METAP1D: variants seen among roughly 807,000 people sequenced by gnomAD.
METAP1D encodes methionine aminopeptidase 1D, mitochondrial.
In METAP1D, 31 loss-of-function variants were observed where a neutral mutation model predicts 40.5. The ratio of observed to expected loss-of-function variants is 0.77; its 90% CI spans 0.58 to 1.03. The LOEUF (loss-of-function observed/expected upper bound fraction) is 1.03. Among genes scored for constraint, METAP1D ranks in the 50% least tolerant of loss-of-function variants. The pLI, the probability that METAP1D is intolerant of heterozygous loss-of-function variation, is 0.00. For synonymous variants in METAP1D, 151 were observed against 146.4 expected, an observed-to-expected ratio of 1.03 and a Z score of -0.22; for missense variants, 411 against 420.7, an observed-to-expected ratio of 0.98 and a Z score of 0.20.
At chr2:172,022,135 G>A (rs146293451) in intron 1 of METAP1D, among the ~76,000 whole-genome samples, 7 of 152,090 alleles carry the variant, frequency 4.6e-5, no homozygotes, top group African/African-American at 1.7e-4. Context: ...CTGGATCCAG[G>A]CCCAGATGAA....
intron 1 of METAP1D, among the ~76,000 whole-genome samples, chr2:172,045,815 GTGTGTATATATA>G (rs1291061422): frequency 0.027 from 642 of 24,146 alleles, 3 homozygotes; most frequent in South Asian, 0.037. Flanking sequence ...GTGTGTGTGT[GTGTGTATATATA>G]TATATATATA....
At chr2:172,035,326 G>C (rs1358388842) in intron 1 of METAP1D, among the ~76,000 whole-genome samples, 2 of 151,968 alleles carry the variant, frequency 1.3e-5, no homozygotes, top group African/African-American at 4.8e-5. Flanking sequence ...CACCACGCCC[G>C]GCTAACTTTT....
At chr2:172,079,731 T>G (rs563073060) in intron 8 of METAP1D, among the ~76,000 whole-genome samples, 74 of 152,190 alleles carry the variant, frequency 4.9e-4, no homozygotes, top group Non-Finnish European at 1.1e-3. Context: ...ATAAGAAAAT[T>G]GTTATTTGCT....
At chr2:172,027,624 GTATT>G (rs1021976613) in intron 1 of METAP1D, among the ~76,000 whole-genome samples, 1 of 152,234 alleles carries the variant, frequency 6.6e-6, no homozygotes, top group Non-Finnish European at 1.5e-5. Flanking sequence ...GTGTGTATGT[GTATT>G]TATGATTTTG....
At position 172,026,596 on chromosome 2, in the gene METAP1D, G is replaced by A. The variant is rs150637705; in HGVS notation, c.40+26587G>A. Among the ~76,000 whole-genome samples, 661 of 152,264 alleles carry A rather than the reference G, an allele frequency of 4.3e-3. 3 individuals carry two copies. Among genetic ancestry groups the A allele is most frequent in the Non-Finnish European group, 6.9e-3 (472 of 68,018 alleles). ...ACAGATTTCACAGTGAGCCCATAGC[G>A]CCTACCTAGACATTCTGTTTGCTGT... On this transcript the variant is annotated intron_variant, in intron 1 of 9. Coordinates refer to ENST00000315796, the MANE Select transcript of METAP1D (RefSeq NM_199227.3).
chr2:172,022,525 A>T (rs1012798449), intron 1 of METAP1D, among the ~76,000 whole-genome samples: 1 of 152,188 alleles, frequency 6.6e-6, no homozygotes, highest in African/African-American at 2.4e-5. Flanking sequence ...CTGTTTATTG[A>T]TAGTTTTCAG....
chr2:172,045,807 GTGTGTGTGTGTGTATA>G (rs1225750503), intron 1 of METAP1D, among the ~76,000 whole-genome samples: 76 of 52,822 alleles, frequency 1.4e-3, no homozygotes, highest in Non-Finnish European at 1.8e-3. Flanking sequence ...ATGTGTGTGT[GTGTGTGTGTGTGTATA>G]TATATATATA....
chr2:172,076,328 A>G (rs1219573446), intron 6 of METAP1D, among the ~76,000 whole-genome samples: 2 of 152,152 alleles, frequency 1.3e-5, no homozygotes, highest in African/African-American at 2.4e-5. Context: ...GTAAAAAAAA[A>G]AAAATCTAGA....
chr2:172,077,553 C>T (rs982571845), intron 6 of METAP1D, among the ~76,000 whole-genome samples: 1 of 152,184 alleles, frequency 6.6e-6, no homozygotes, highest in Non-Finnish European at 1.5e-5. Flanking sequence ...AGGTAAATGA[C>T]TCAAACGACT....
intron 1 of METAP1D, among the ~76,000 whole-genome samples, chr2:172,024,321 T>G (rs1443839943): frequency 6.6e-6 from 1 of 152,102 alleles, no homozygotes; most frequent in Non-Finnish European, 1.5e-5. Flanking sequence ...CTTGGATTAA[T>G]ACCAAAAAGG....
chr2:172,019,886 T>G (rs1344001818), intron 1 of METAP1D, among the ~76,000 whole-genome samples: 3 of 152,212 alleles, frequency 2.0e-5, no homozygotes, highest in Non-Finnish European at 4.4e-5. Flanking sequence ...TCTTCTAGAC[T>G]ATAAGTTACT....
intron 1 of METAP1D, among the ~76,000 whole-genome samples, chr2:172,006,375 G>A (rs980278754): frequency 3.3e-5 from 5 of 152,006 alleles, no homozygotes; most frequent in African/African-American, 7.2e-5. Flanking sequence ...AGTAGAGATG[G>A]GGTTTCACCG....
At position 172,071,075 on chromosome 2, in the gene METAP1D, G is replaced by A; in HGVS notation, c.704+5G>A. On this transcript the variant is annotated splice_donor_5th_base_variant and intron_variant, in intron 6 of 9. Transcript: ENST00000315796. ...TGTAATTGGAAACACAATCAGGTAA[G>A]CCTTACATTGACAAGTAAAGGGAGG... 6.3e-7 allele frequency: 1 copy of A among 1,599,092 alleles called. No individual in the cohort carries two copies.
chr2:172,064,915 A>G (rs923507417), intron 3 of METAP1D, among the ~76,000 whole-genome samples: 1 of 152,190 alleles, frequency 6.6e-6, no homozygotes. Flanking sequence ...ATGTTTATGG[A>G]GTTTATGGAA....
Position 172,063,711 on chromosome 2 carries a change from C to T in METAP1D, c.199C>T (p.His67Tyr), listed in dbSNP as rs1690185289. 2 of 1,611,006 alleles carry T rather than the reference C, an allele frequency of 1.2e-6. No homozygotes were observed. The highest frequency in any genetic ancestry group is 1.1e-5 in the South Asian group (1 of 90,910). Residue 67 changes from histidine (H) to tyrosine (Y), a missense_variant and splice_region_variant, in exon 3 of 10, where the codon CAC becomes TAC. Transcript: ENST00000315796. ...AVSSAHPVPK[H>Y]IKKPDYVTTG... ...TCGTTTTCAATCCTTTTTCCTCAAG[C>T]ACATAAAGAAGCCAGACTATGTGAC...
At chr2:172,047,227 A>G (rs1274457780) in intron 1 of METAP1D, among the ~76,000 whole-genome samples, 2 of 151,940 alleles carry the variant, frequency 1.3e-5, no homozygotes, top group Non-Finnish European at 2.9e-5. Flanking sequence ...ACTGTTTAAT[A>G]AACAGGAATT....
intron 1 of METAP1D, among the ~76,000 whole-genome samples, chr2:172,044,673 G>A (rs898690407): frequency 7.4e-6 from 1 of 135,050 alleles, no homozygotes; most frequent in South Asian, 2.4e-4. Flanking sequence ...TTGGGAAGCC[G>A]AGGAGGGTGG....
At position 172,080,322 on chromosome 2, in the gene METAP1D, T is replaced by A; in HGVS notation, c.930-6T>A. ...CGCGTTCTGACGGCTGGGTGCTGTG[T>A]TACAGGTCGGCGCAGTTCGAGCACA... On this transcript the variant is annotated splice_polypyrimidine_tract_variant and splice_region_variant and intron_variant, in intron 9 of 9. Coordinates refer to ENST00000315796, the MANE Select transcript of METAP1D (RefSeq NM_199227.3). 1 of 1,614,138 alleles carries A rather than the reference T, an allele frequency of 6.2e-7. No individual in the cohort carries two copies. The highest frequency in any genetic ancestry group is 2.2e-5 in the East Asian group (1 of 44,884).
chr2:172,057,562 C>T (rs1487387354), intron 1 of METAP1D, among the ~76,000 whole-genome samples: 5 of 152,208 alleles, frequency 3.3e-5, no homozygotes, highest in Non-Finnish European at 5.9e-5. Flanking sequence ...TAGGCCAACC[C>T]ATCACCACTT....
Sources: gnomAD v4.1 joint callset for allele counts (sites outside exome capture counted in the v4.1 genomes callset) on GRCh38, gnomAD v4.1.1 for gene constraint, MANE v1.5 for transcripts, NCBI Gene and HGNC (gene_info 2026-07-23, HGNC 2026-07-21) for gene names.